Variants in C11orf54 observed in about 807,000 individuals in gnomAD.
The protein encoded by C11orf54 is beta-keto L-gulonate decarboxylase.
C11orf54 carries 29 observed loss-of-function variants against 35.5 expected under a neutral mutation model. That is an observed-to-expected ratio of 0.82 (90% CI 0.61 to 1.11). The LOEUF (loss-of-function observed/expected upper bound fraction) is 1.11. Among genes scored for constraint, C11orf54 ranks in the 50% most tolerant of loss-of-function variants. The pLI is 0.00. For missense variants in C11orf54, 373 were observed against 369.2 expected (o/e 1.01, Z -0.08); for synonymous variants, 108 against 121.1 (o/e 0.89, Z 0.71).
chr11:93,746,599 A>T (rs1242332193), intron 1 of C11orf54: 1 of 152,236 alleles, frequency 6.6e-6, no homozygotes, highest in Non-Finnish European at 1.5e-5. Flanking sequence ...TTATAATTGG[A>T]TAGATTATCA....
At chr11:93,741,800 G>A (rs1942078642) in intron 1 of C11orf54, 72 bp downstream of exon 1, 5 of 253,412 alleles carry the variant, frequency 2.0e-5, no homozygotes, top group South Asian at 1.8e-4. Flanking sequence ...GAGTGGATGA[G>A]AACTGTGAGG....
chr11:93,747,637 C>T (rs1253628994), intron 2 of C11orf54, among the ~76,000 whole-genome samples, 189 bp downstream of exon 2: 1 of 36,732 alleles, frequency 2.7e-5, no homozygotes, highest in African/African-American at 5.4e-5. Context: ...TTGAGAAAGT[C>T]CAAATTCTGT....
chr11:93,753,219 C>T (rs1431443225), intron 3 of C11orf54, among the ~76,000 whole-genome samples: 7 of 152,122 alleles, frequency 4.6e-5, no homozygotes, highest in African/African-American at 1.4e-4. Flanking sequence ...TCAGGTGATC[C>T]ACCCGCCTCA....
chr11:93,754,854 C>T (rs1228201893), intron 5 of C11orf54: 1 of 155,808 alleles, frequency 6.4e-6, no homozygotes, highest in Non-Finnish European at 1.4e-5. Context: ...TTGCCTCAGC[C>T]TCTTGAGTAG....
intron 3 of C11orf54, among the ~76,000 whole-genome samples, chr11:93,751,403 T>G (rs1942815352): frequency 2.0e-5 from 1 of 50,216 alleles, no homozygotes; most frequent in Non-Finnish European, 5.4e-5. Context: ...TTTATAGTTT[T>G]TTTTTTTTTT....
chr11:93,754,499 A>G (rs537109768), intron 5 of C11orf54, among the ~76,000 whole-genome samples: 13 of 152,160 alleles, frequency 8.5e-5, no homozygotes, highest in Non-Finnish European at 1.5e-4. Context: ...TTACTAGTAT[A>G]TATTATTACC....
At chr11:93,750,676 A>G (rs924366645) in intron 3 of C11orf54, among the ~76,000 whole-genome samples, 7 of 152,228 alleles carry the variant, frequency 4.6e-5, no homozygotes, top group Non-Finnish European at 4.4e-5. Flanking sequence ...CACAGATTGT[A>G]GAATAGATAT....
chr11:93,753,851 G>A (rs1168463297), intron 4 of C11orf54, 85 bp from the exon 5 acceptor site: 3 of 1,523,036 alleles, frequency 2.0e-6, no homozygotes, highest in Non-Finnish European at 2.7e-6. Context: ...AGTTGGCAAG[G>A]AAGTGCTAAT....
In C11orf54 at chr11:93,753,977, T is replaced by C. The variant is rs376646749; in HGVS notation, c.270T>C (p.Pro90=). The change falls in exon 5 of 9, where the codon CCT becomes CCC. Residue 90 remains proline (P), a synonymous_variant. Coordinates refer to ENST00000354421, the MANE Select transcript of C11orf54 (RefSeq NM_001286069.2). The part of the protein sequence containing the change: ...LNKIAKEIKL[P]GAFILGAGAG... Reference sequence around the variant, plus strand: ...AAATTGCAAAAGAAATCAAGCTGCCTGGAGCCTTTATTCTTGGAGCAGGAG... The same window carrying C: ...AAATTGCAAAAGAAATCAAGCTGCCCGGAGCCTTTATTCTTGGAGCAGGAG... The C allele has an allele frequency of 3.1e-6, 5 of 1,614,026 alleles. No homozygotes were observed. The African/African-American group carries it at 6.7e-5, about 22-fold the overall frequency.
intron 7 of C11orf54, among the ~76,000 whole-genome samples, chr11:93,758,199 T>C (rs137875044): frequency 1.3e-5 from 2 of 152,122 alleles, no homozygotes; most frequent in African/African-American, 4.8e-5. Flanking sequence ...ACACACTCTA[T>C]GGAGCGGGTG....
chr11:93,759,889 T>C (rs1943364747), intron 8 of C11orf54, 31 bp downstream of exon 8: 3 of 1,249,664 alleles, frequency 2.4e-6, no homozygotes, highest in Non-Finnish European at 2.3e-6. Flanking sequence ...TATATTATAC[T>C]ACAATGATAA....
At position 93,759,857 on chromosome 11, in the gene C11orf54, C is replaced by T. The variant is rs534683737; in HGVS notation, c.773C>T (p.Pro258Leu). Reference sequence around the variant, plus strand: ...CTACCAGTTTTTGTCTCCAGAGACCCAGTAAGTCTGTGTCTGTTTTTTATA... The same window carrying T: ...CTACCAGTTTTTGTCTCCAGAGACCTAGTAAGTCTGTGTCTGTTTTTTATA... ...VCLPVFVSRD[P>L]GFDLRLEHTH... The change falls in exon 8 of 9, where the codon CCA becomes CTA. Residue 258 changes from proline to leucine, a missense_variant and splice_region_variant. Pro to Leu is a moderately conservative substitution (Grantham distance 98). Coordinates refer to ENST00000354421, the MANE Select transcript of C11orf54 (RefSeq NM_001286069.2). The T allele has an allele frequency of 1.4e-5, 22 of 1,552,274 alleles. No individual in the cohort carries two copies. The African/African-American group carries it at 2.6e-4, about 18-fold the overall frequency.
intron 8 of C11orf54, 112 bp downstream of exon 8, chr11:93,759,970 G>C: frequency 1.5e-6 from 1 of 665,042 alleles, no homozygotes; most frequent in Non-Finnish European, 2.4e-6. Context: ...TTTTGAGACA[G>C]AGTTTCACTC....
chr11:93,747,443 C>T lies in C11orf54; in HGVS notation c.50C>T (p.Ala17Val). Reference sequence around the variant, plus strand: ...CATGTACCAAGTCTTGAAGAGCTTGCTGGAGGTAAAAACAATATTAACTTT... The same window carrying T: ...CATGTACCAAGTCTTGAAGAGCTTGTTGGAGGTAAAAACAATATTAACTTT... ...SFHVPSLEEL[A>V]GVMQKGLKDN... The change falls in exon 2 of 9, where the codon GCT (alanine) becomes GTT (valine). Residue 17 changes from alanine (A) to valine (V), a missense_variant. By Grantham distance (64) the Ala-to-Val change is moderately conservative (BLOSUM62 0). Transcript: ENST00000354421. The T allele has an allele frequency of 6.3e-7, 1 of 1,588,590 alleles. No homozygotes were observed.
At chr11:93,758,050 C>A (rs1943246529) in intron 7 of C11orf54, among the ~76,000 whole-genome samples, 2 of 152,158 alleles carry the variant, frequency 1.3e-5, no homozygotes, top group African/African-American at 4.8e-5. Context: ...TGACTCATGC[C>A]TGTAATCCCA....
At chr11:93,760,413 G>A (rs1400694484) in intron 8 of C11orf54, among the ~76,000 whole-genome samples, 1 of 152,130 alleles carries the variant, frequency 6.6e-6, no homozygotes, top group Non-Finnish European at 1.5e-5. Flanking sequence ...AGCAGGTGTA[G>A]TTGGGCATGG....
At chr11:93,759,698 G>T in intron 7 of C11orf54, 44 bp from the exon 8 acceptor site, 1 of 960,668 alleles carries the variant, frequency 1.0e-6, no homozygotes, top group Non-Finnish European at 1.5e-6. Flanking sequence ...TTAATTCTTA[G>T]TAATATTCAG....
intron 6 of C11orf54, among the ~76,000 whole-genome samples, chr11:93,755,610 G>A (rs1472763635): frequency 6.6e-6 from 1 of 151,904 alleles, no homozygotes; most frequent in African/African-American, 2.4e-5. Flanking sequence ...AAATTAGCAG[G>A]GTGTGGTGGT....
chr11:93,759,861 A>C lies in C11orf54; in HGVS notation c.774+3A>C. 1 of 1,530,728 alleles carries C rather than the reference A, an allele frequency of 6.5e-7. No individual in the cohort carries two copies. The highest frequency in any genetic ancestry group is 9.0e-7 in the Non-Finnish European group (1 of 1,110,280). 94.8% of individuals were successfully genotyped at this position (1,530,728 alleles called of 1,614,324 possible). A position where few individuals can be genotyped will look rare whatever the true frequency, so the allele number is the denominator to read the frequency against. On this transcript the variant is annotated splice_donor_region_variant and intron_variant, in intron 8 of 8. Coordinates refer to ENST00000354421, the MANE Select transcript of C11orf54 (RefSeq NM_001286069.2). ...CAGTTTTTGTCTCCAGAGACCCAGT[A>C]AGTCTGTGTCTGTTTTTTATATTAT... is the stretch of plus-strand genomic sequence containing the variant.
Sources: gnomAD v4.1 joint callset for allele counts (sites outside exome capture counted in the v4.1 genomes callset) on GRCh38, gnomAD v4.1.1 for gene constraint, MANE v1.5 for transcripts, NCBI Gene and HGNC (gene_info 2026-07-23, HGNC 2026-07-21) for gene names.